TMPRSS12: variants seen among roughly 807,000 people sequenced by gnomAD.
TMPRSS12 encodes transmembrane protease serine 12.
In TMPRSS12, 25 loss-of-function variants were observed where a neutral mutation model predicts 26.0. The ratio of observed to expected loss-of-function variants is 0.96; its 90% CI spans 0.70 to 1.34. TMPRSS12 has a LOEUF of 1.34. Among genes scored for constraint, TMPRSS12 ranks in the 40% most tolerant of loss-of-function variants. The pLI, the probability that TMPRSS12 is intolerant of heterozygous loss-of-function variation, is 0.00. For synonymous variants in TMPRSS12, 150 were observed against 161.7 expected (o/e 0.93, Z 0.55); for missense variants, 441 against 440.1 (o/e 1.00, Z -0.02).
At chr12:50,876,301 T>A (rs953868778) in intron 3 of TMPRSS12, among the ~76,000 whole-genome samples, 1 of 152,210 alleles carries the variant, frequency 6.6e-6, no homozygotes, top group Admixed American at 6.5e-5. Context: ...CTGGTGGGAA[T>A]AGAAATTAGT....
intron 3 of TMPRSS12, among the ~76,000 whole-genome samples, chr12:50,868,962 G>T (rs1096030): frequency 0.65 from 98,355 of 151,738 alleles, 32,175 homozygotes; most frequent in Non-Finnish European, 0.7. Context: ...ACAATAATGA[G>T]GCAACCTATC....
intron 2 of TMPRSS12, among the ~76,000 whole-genome samples, chr12:50,853,229 G>T (rs1420786915): frequency 6.6e-6 from 1 of 152,002 alleles, no homozygotes; most frequent in Non-Finnish European, 1.5e-5. Flanking sequence ...AATGATTTTC[G>T]GGTAAATGCT....
At chr12:50,883,730 G>A (rs1235035711) in intron 3 of TMPRSS12, among the ~76,000 whole-genome samples, 1 of 152,182 alleles carries the variant, frequency 6.6e-6, no homozygotes, top group Non-Finnish European at 1.5e-5. Context: ...TCAGCTGGGT[G>A]CAGTGGCTCA....
intron 2 of TMPRSS12, among the ~76,000 whole-genome samples, chr12:50,849,282 C>T (rs1408750381): frequency 1.3e-5 from 2 of 152,198 alleles, no homozygotes; most frequent in Admixed American, 6.5e-5. Context: ...AACCTAGAGG[C>T]TTTTTCGTAC....
At chr12:50,882,948 G>A (rs544257599) in intron 3 of TMPRSS12, among the ~76,000 whole-genome samples, 17 of 152,204 alleles carry the variant, frequency 1.1e-4, no homozygotes, top group Admixed American at 4.6e-4. Flanking sequence ...TCAAGTAAAC[G>A]CAGTAAGAGA....
intron 3 of TMPRSS12, among the ~76,000 whole-genome samples, chr12:50,863,320 A>C (rs998650262): frequency 6.6e-6 from 1 of 152,228 alleles, no homozygotes; most frequent in Non-Finnish European, 1.5e-5. Context: ...CCAAGAAGAC[A>C]TAGCAATGCT....
At position 50,843,140 on chromosome 12, in the gene TMPRSS12, C is replaced by T. The variant is rs530297215; in HGVS notation, c.176C>T (p.Ala59Val). The T allele has an allele frequency of 1.3e-6, 2 of 1,565,388 alleles. No homozygotes were observed. The highest frequency in any genetic ancestry group is 1.3e-5 in the African/African-American group (1 of 74,210). ...KRLRRRREGG[A>V]HAEDCGTAPL... ...CTCCGGCGGCGGAGGGAGGGAGGGG[C>T]GCATGCAGAGGGCAGTACCTGTTCG... is the stretch of plus-strand genomic sequence containing the variant. Residue 59 changes from alanine to valine, a missense_variant, in exon 1 of 5, where the codon GCG becomes GTG. Physicochemically the swap from Ala to Val is moderately conservative, Grantham distance 64. Transcript: ENST00000398458.
intron 3 of TMPRSS12, among the ~76,000 whole-genome samples, chr12:50,863,024 C>T (rs1024165616): frequency 6.6e-6 from 1 of 151,764 alleles, no homozygotes; most frequent in Non-Finnish European, 1.5e-5. Flanking sequence ...GAGACCTCGT[C>T]GCTAAAAAAA....
At chr12:50,865,971 T>C (rs532006173) in intron 3 of TMPRSS12, among the ~76,000 whole-genome samples, 4 of 152,190 alleles carry the variant, frequency 2.6e-5, no homozygotes, top group African/African-American at 9.6e-5. Context: ...CAGAACTAGA[T>C]TGCAGCTCCA....
chr12:50,843,003 G>A lies in TMPRSS12; in HGVS notation c.39G>A (p.Val13=), dbSNP rs753888568. 1 of 1,604,590 alleles carries A rather than the reference G, an allele frequency of 6.2e-7. No homozygotes were observed. The highest frequency in any genetic ancestry group is 1.1e-5 in the South Asian group (1 of 89,286). ...LGLLSVALLF[V]GSSHLYSDHY... ...TCCTGAGCGTGGCGCTGTTGTTTGT[G>A]GGGAGCTCTCACTTATACTCAGACC... Residue 13 remains valine, a synonymous_variant, in exon 1 of 5, where the codon GTG becomes GTA. Transcript: ENST00000398458.
intron 3 of TMPRSS12, among the ~76,000 whole-genome samples, chr12:50,868,559 A>C (rs1938013138): frequency 6.6e-6 from 1 of 152,210 alleles, no homozygotes; most frequent in African/African-American, 2.4e-5. Context: ...GGTGGACCTC[A>C]ATACTCTACT....
chr12:50,858,850 A>T lies in TMPRSS12; in HGVS notation c.449A>T (p.Lys150Met). 6.2e-7 allele frequency: 1 copy of T among 1,606,132 alleles called. No homozygotes were observed. The highest frequency in any genetic ancestry group is 1.1e-5 in the South Asian group (1 of 89,646). ...NNIHGRYPHT[K>M]KIKIKAIIIH... is the part of the protein sequence containing the mutation. Reference sequence around the variant, plus strand: ...ATACATGGACGCTATCCTCATACCAAGAAGATAAAAATTAAAGCAATCATT... The same window carrying T: ...ATACATGGACGCTATCCTCATACCATGAAGATAAAAATTAAAGCAATCATT... The change falls in exon 3 of 5, where the codon AAG (lysine) becomes ATG (methionine). Residue 150 changes from lysine to methionine, a missense_variant. By Grantham distance (95) the Lys-to-Met change is moderately conservative (BLOSUM62 -1). Coordinates refer to ENST00000398458, the MANE Select transcript of TMPRSS12 (RefSeq NM_182559.3).
intron 2 of TMPRSS12, among the ~76,000 whole-genome samples, chr12:50,845,673 G>T (rs1937760770): frequency 6.6e-6 from 1 of 152,154 alleles, no homozygotes; most frequent in Admixed American, 6.5e-5. Flanking sequence ...AGTCTCCAAG[G>T]CCTGTGAAGG....
intron 3 of TMPRSS12, among the ~76,000 whole-genome samples, chr12:50,871,791 T>G (rs1185023154): frequency 2.0e-5 from 3 of 152,052 alleles, no homozygotes; most frequent in Non-Finnish European, 4.4e-5. Flanking sequence ...GAATAGGCAA[T>G]TCTCAAAAGA....
intron 3 of TMPRSS12, among the ~76,000 whole-genome samples, chr12:50,872,080 C>G (rs1437744514): frequency 1.3e-5 from 2 of 152,180 alleles, no homozygotes; most frequent in Non-Finnish European, 2.9e-5. Context: ...ATCCAGCAAT[C>G]CCACTACTGG....
At chr12:50,867,864 C>A (rs1938005872) in intron 3 of TMPRSS12, among the ~76,000 whole-genome samples, 1 of 152,116 alleles carries the variant, frequency 6.6e-6, no homozygotes, top group African/African-American at 2.4e-5. Flanking sequence ...ATTTTGTATC[C>A]CGTGAAACTA....
chr12:50,870,851 C>CAAA (rs55702806), intron 3 of TMPRSS12, among the ~76,000 whole-genome samples: 1 of 138,704 alleles, frequency 7.2e-6, no homozygotes, highest in African/African-American at 2.7e-5. Flanking sequence ...ATGATAGTTG[C>CAAA]AAAAAAAAAA....
intron 3 of TMPRSS12, among the ~76,000 whole-genome samples, chr12:50,862,209 A>G (rs1937943398): frequency 6.6e-6 from 1 of 152,224 alleles, no homozygotes; most frequent in Non-Finnish European, 1.5e-5. Flanking sequence ...TTAGTTCTCC[A>G]GCAACATGGT....
rs186641457 is a variant in TMPRSS12, at chr12:50,885,686, C to T, written c.795+298C>T. 1.0e-4 allele frequency: 60 copies of T among 579,274 alleles called. No homozygotes were observed. The Middle Eastern group carries it at 1.4e-3, about 13-fold the overall frequency. 35.9% of individuals were successfully genotyped at this position (579,274 alleles called of 1,614,324 possible). A position where few individuals can be genotyped will look rare whatever the true frequency, so the allele number is the denominator to read the frequency against. ...ATTTTTTTTTTATTTGAGATAGTCT[C>T]GCTTTGTCACCCATGCTGGAGTGCA... On this transcript the variant is annotated intron_variant, in intron 4 of 4. Transcript: ENST00000398458.
Sources: gnomAD v4.1 joint callset for allele counts (sites outside exome capture counted in the v4.1 genomes callset) on GRCh38, gnomAD v4.1.1 for gene constraint, MANE v1.5 for transcripts, NCBI Gene and HGNC (gene_info 2026-07-23, HGNC 2026-07-21) for gene names.